Variants in PKD1 observed in about 807,000 individuals in gnomAD.
PKD1 encodes polycystin 1, transient receptor potential channel interacting.
In PKD1, 81 loss-of-function variants were observed where a neutral mutation model predicts 361.7. The ratio of observed to expected loss-of-function variants is 0.22; its 90% CI spans 0.19 to 0.27. The LOEUF (loss-of-function observed/expected upper bound fraction) is 0.27. Ranked by LOEUF, PKD1 falls within the 10% of genes least tolerant of loss-of-function variation. PKD1 has a pLI of 1.00. For synonymous variants in PKD1, 3,615 were observed against 2,818.3 expected (o/e 1.28, Z -8.95); for missense variants, 6,399 against 6,118.3 (o/e 1.05, Z -1.53).
intron 1 of PKD1, among the ~76,000 whole-genome samples, chr16:2,132,397 G>A (rs1347618607): frequency 3.3e-5 from 5 of 151,342 alleles, no homozygotes; most frequent in South Asian, 2.1e-4. Context: ...GTAAAACCCC[G>A]TCTCTACTAA....
chr16:2,118,065 G>C lies in PKD1; in HGVS notation c.927C>G (p.Asp309Glu). ...CAGCGGCATCCACCTCGGCGGAGCC[G>C]TCTCCGAAGTCCCAGCGTGTGGCAG... ...PVTATRWDFGDGSAEVDAAGP... is the reference protein window; with the variant it reads ...PVTATRWDFGEGSAEVDAAGP... The change falls in exon 5 of 46, where the codon GAC becomes GAG. Residue 309 changes from aspartate to glutamate, a missense_variant. By Grantham distance (45) the Asp-to-Glu change is conservative (BLOSUM62 2). Transcript: ENST00000262304. The surrounding 1 kb of genome is among the most constrained non-coding windows in gnomAD (Gnocchi z 6.0). 6.2e-7 allele frequency: 1 copy of C among 1,605,812 alleles called. No homozygotes were observed. Among genetic ancestry groups the C allele is most frequent in the Non-Finnish European group, 8.5e-7 (1 of 1,179,302 alleles).
chr16:2,097,499 C>T lies in PKD1; in HGVS notation c.10225G>A (p.Val3409Met). ...DLFLDDSKSL[V>M]CWPSGEGTLS... is the part of the protein sequence containing the mutation. ...GTTCCCTCGCCGGAGGGCCAGCACA[C>T]CAGACTGCAGGTGGCGCGGGTCAGC... Residue 3409 changes from valine to methionine, a missense_variant, in exon 33 of 46, where the codon GTG becomes ATG. Physicochemically the swap from Val to Met is conservative, Grantham distance 21 (BLOSUM62 1). Transcript: ENST00000262304. 6.2e-7 allele frequency: 1 copy of T among 1,601,874 alleles called. No individual in the cohort carries two copies. Among genetic ancestry groups the T allele is most frequent in the Non-Finnish European group, 8.5e-7 (1 of 1,179,824 alleles).
In PKD1 at chr16:2,089,450, T is replaced by C. The variant is rs2091347205; in HGVS notation, c.*277A>G. On this transcript the variant is annotated 3_prime_UTR_variant, in exon 46 of 46. Transcript: ENST00000262304. The stretch of plus-strand genomic sequence containing the variant: ...GGGGCCGGGCACAGCCCGCTGTACC[T>C]GAGGACTCGGGGAAATAAATTAGCA... 2 of 527,670 alleles carry C rather than the reference T, an allele frequency of 3.8e-6. No individual in the cohort carries two copies. The highest frequency in any genetic ancestry group is 3.3e-5 in the Admixed American group (1 of 30,272). 32.7% of individuals were successfully genotyped at this position (527,670 alleles called of 1,614,324 possible). A position where few individuals can be genotyped will look rare whatever the true frequency, so the allele number is the denominator to read the frequency against.
chr16:2,132,623 G>C (rs964188882), intron 1 of PKD1, among the ~76,000 whole-genome samples: 2 of 150,302 alleles, frequency 1.3e-5, no homozygotes, highest in Admixed American at 1.3e-4. Flanking sequence ...TAATTGCAGT[G>C]TGTGGACCTT....
intron 37 of PKD1, 28 bp downstream of exon 37, chr16:2,093,516 C>A: frequency 6.3e-7 from 1 of 1,575,228 alleles, no homozygotes. Flanking sequence ...ACGGAGGTGG[C>A]AGGGGCACAG....
Position 2,093,892 on chromosome 16 carries a change from G to T in PKD1, c.10740C>A (p.Phe3580Leu), listed in dbSNP as rs573630884. The change falls in exon 36 of 46, where the codon TTC becomes TTA. Residue 3580 changes from phenylalanine to leucine, a missense_variant. Phe to Leu is a conservative substitution (Grantham distance 22, BLOSUM62 0). Transcript: ENST00000262304. ...GCCACGCAACACTCACGCCCGGGGG[G>T]AAGCTCGCACCCACCCACCCTGAGA... ...VAVSGWVGASFPPGVSVAWLL... is the reference protein window; with the variant it reads ...VAVSGWVGASLPPGVSVAWLL... 11 of 1,578,510 alleles carry T rather than the reference G, an allele frequency of 7.0e-6. No homozygotes were observed. Among genetic ancestry groups the T allele is most frequent in the Non-Finnish European group, 6.0e-6 (7 of 1,167,780 alleles).
intron 1 of PKD1, among the ~76,000 whole-genome samples, chr16:2,121,812 C>G (rs1231521373): frequency 6.6e-6 from 1 of 152,224 alleles, no homozygotes; most frequent in Non-Finnish European, 1.5e-5. Context: ...GGCCTCACCT[C>G]CTGCCACGGG....
chr16:2,115,374 A>G lies in PKD1; in HGVS notation c.2097+4T>C. 10 of 1,512,360 alleles carry G rather than the reference A, an allele frequency of 6.6e-6. No homozygotes were observed. Among genetic ancestry groups the G allele is most frequent in the Non-Finnish European group, 9.0e-6 (10 of 1,113,152 alleles). The allele number at this position is 1,512,360 out of a possible 1,614,324, so 93.7% of individuals were successfully genotyped here. A position where few individuals can be genotyped will look rare whatever the true frequency, so the allele number is the denominator to read the frequency against. ...GGGAACAGACCCAGGTCAGGGCCACACACCGAGTACTGCGCGGGGGGCCCC... is the reference window on the plus strand; with the variant it reads ...GGGAACAGACCCAGGTCAGGGCCACGCACCGAGTACTGCGCGGGGGGCCCC... On this transcript the variant is annotated splice_donor_region_variant and intron_variant, in intron 10 of 45. Transcript: ENST00000262304.
Position 2,111,475 on chromosome 16 carries a change from A to G in PKD1, c.3692T>C (p.Val1231Ala). The G allele has an allele frequency of 6.2e-7, 1 of 1,611,548 alleles. No homozygotes were observed. Among genetic ancestry groups the G allele is most frequent in the Non-Finnish European group, 8.5e-7 (1 of 1,179,412 alleles). ...GTCGCCCGTCTGCACCGCGGCGCTG[A>G]CCACCACGGGGGCGCCCTGCTCCAC... is the stretch of plus-strand genomic sequence containing the variant. The part of the protein sequence containing the change: ...LAVEQGAPVV[V>A]SAAVQTGDNI... Residue 1231 changes from valine (V) to alanine (A), a missense_variant, in exon 15 of 46, where the codon GTC (valine) becomes GCC (alanine). Physicochemically the swap from Val to Ala is moderately conservative, Grantham distance 64 (BLOSUM62 0). Coordinates refer to ENST00000262304, the MANE Select transcript of PKD1 (RefSeq NM_001009944.3).
chr16:2,109,011 C>A lies in PKD1; in HGVS notation c.6156G>T (p.Thr2052=). ...AFNALGSENR[T]LVLEVQDAVQ... Reference sequence around the variant, plus strand: ...CGGCGTCCTGAACCTCCAGCACCAGCGTGCGGTTCTCACTGCCCAGGGCGT... The same window carrying A: ...CGGCGTCCTGAACCTCCAGCACCAGAGTGCGGTTCTCACTGCCCAGGGCGT... Residue 2052 remains threonine (T), a synonymous_variant, in exon 15 of 46, where the codon ACG becomes ACT. Transcript: ENST00000262304. 1.9e-6 allele frequency: 3 copies of A among 1,610,348 alleles called. No homozygotes were observed. Among genetic ancestry groups the A allele is most frequent in the Middle Eastern group, 1.9e-4 (1 of 5,156 alleles).
rs747412495 is a variant in PKD1, at chr16:2,092,199, C to T, written c.11270-11G>A. ...GGTCTGGGTAGAGTGCTGAAACACA[C>T]AGAGCCCCAGGCCGGGGCCAGGGCC... is the stretch of plus-strand genomic sequence containing the variant. On this transcript the variant is annotated splice_polypyrimidine_tract_variant and intron_variant, in intron 39 of 45. Transcript: ENST00000262304. The T allele has an allele frequency of 6.3e-7, 1 of 1,585,858 alleles. No individual in the cohort carries two copies. Among genetic ancestry groups the T allele is most frequent in the African/African-American group, 1.3e-5 (1 of 74,098 alleles).
chr16:2,092,817 C>T (rs2091658841), intron 38 of PKD1, 137 bp downstream of exon 38: 1 of 1,097,272 alleles, frequency 9.1e-7, no homozygotes, highest in Non-Finnish European at 1.4e-6. Context: ...CCTCTGCCTA[C>T]TGATGCCAGC....
In PKD1 at chr16:2,105,949, A is replaced by T; in HGVS notation, c.7779T>A (p.Ala2593=). The T allele has an allele frequency of 6.3e-7, 1 of 1,598,894 alleles. No homozygotes were observed. Among genetic ancestry groups the T allele is most frequent in the Non-Finnish European group, 8.5e-7 (1 of 1,179,556 alleles). Residue 2593 remains alanine, a synonymous_variant, in exon 20 of 46, where the codon GCT becomes GCA. Coordinates refer to ENST00000262304, the MANE Select transcript of PKD1 (RefSeq NM_001009944.3). Reference sequence around the variant, plus strand: ...GCCGCAGCAGCCCTGGGAGCACACTAGCGGTGAGCCCGTGCAGCCAGACTG... The same window carrying T: ...GCCGCAGCAGCCCTGGGAGCACACTTGCGGTGAGCCCGTGCAGCCAGACTG... ...GLTVWLHGLT[A]SVLPGLLRQA...
In PKD1 at chr16:2,097,139, G is replaced by A; in HGVS notation, c.10499+9C>T. 1 of 1,546,760 alleles carries A rather than the reference G, an allele frequency of 6.5e-7. No homozygotes were observed. Among genetic ancestry groups the A allele is most frequent in the Non-Finnish European group, 8.7e-7 (1 of 1,144,788 alleles). On this transcript the variant is annotated intron_variant, in intron 34 of 45. Transcript: ENST00000262304. ...GCAATCCCCCCTCCCCCGAGAGCCG[G>A]ACACTCACAGGCTGCTGAGCAGGTC... is the stretch of plus-strand genomic sequence containing the variant.
Position 2,118,134 on chromosome 16 carries a change from A to G in PKD1, c.858T>C (p.Ser286=), listed in dbSNP as rs886038372. 1.4e-5 allele frequency: 23 copies of G among 1,597,834 alleles called. No individual in the cohort carries two copies. Among genetic ancestry groups the G allele is most frequent in the Non-Finnish European group, 1.9e-5 (22 of 1,174,164 alleles). ...TLVGPHGPLA[S]GQLAAFHIAA... ...CGATGTGGAAGGCTGCTAGCTGGCC[A>G]GAGGCCAGAGGTCCGTGGGGCCCCA... The change falls in exon 5 of 46, where the codon TCT becomes TCC. Residue 286 remains serine, a synonymous_variant. Coordinates refer to ENST00000262304, the MANE Select transcript of PKD1 (RefSeq NM_001009944.3). The surrounding 1 kb of genome is among the most constrained non-coding windows in gnomAD (Gnocchi z 6.0).
chr16:2,130,932 C>A (rs2092867994), intron 1 of PKD1, among the ~76,000 whole-genome samples: 1 of 152,212 alleles, frequency 6.6e-6, no homozygotes, highest in African/African-American at 2.4e-5. Context: ...TGACCCCCAG[C>A]CAGGGTGAGT....
At position 2,111,967 on chromosome 16, in the gene PKD1, G is replaced by A. The variant is rs968074809; in HGVS notation, c.3296-96C>T. 6.0e-5 allele frequency: 79 copies of A among 1,311,938 alleles called. No individual in the cohort carries two copies. In the Admixed American group the frequency reaches 8.6e-4, roughly 14 times the overall value. The allele number at this position is 1,311,938 out of a possible 1,614,324, so 81.3% of individuals were successfully genotyped here. Reference sequence around the variant, plus strand: ...CCCGCCTGAGGAGCCCGGGGTGAACGGCTGCACCTGCGGCCCAGCCTTAAG... The same window carrying A: ...CCCGCCTGAGGAGCCCGGGGTGAACAGCTGCACCTGCGGCCCAGCCTTAAG... On this transcript the variant is annotated intron_variant, in intron 14 of 45. Coordinates refer to ENST00000262304, the MANE Select transcript of PKD1 (RefSeq NM_001009944.3).
rs1201373163 is a variant in PKD1, at chr16:2,109,896, C to A, written c.5271G>T (p.Gly1757=). 2 of 1,610,560 alleles carry A rather than the reference C, an allele frequency of 1.2e-6. No individual in the cohort carries two copies. Among genetic ancestry groups the A allele is most frequent in the Non-Finnish European group, 1.7e-6 (2 of 1,179,736 alleles). ...GVVYTWSLEE[G]LSWETSEPFT... ...ATGGCTCGGAGGTCTCCCAGCTCAG[C>A]CCCTCCTCCAAGGACCAAGTGTATA... The change falls in exon 15 of 46, where the codon GGG becomes GGT. Residue 1757 remains glycine, a synonymous_variant. Transcript: ENST00000262304.
At chr16:2,102,334 G>A (rs1460601456) in intron 25 of PKD1, 47 bp downstream of exon 25, 8 of 1,534,872 alleles carry the variant, frequency 5.2e-6, no homozygotes, top group Non-Finnish European at 7.1e-6. Flanking sequence ...GCCCACCCAG[G>A]CCCTCCTCGA....
Sources: allele counts gnomAD v4.1 joint callset (sites outside exome capture counted in the v4.1 genomes callset), GRCh38; gene constraint gnomAD v4.1.1; non-coding constraint Gnocchi (gnomAD v3.1); transcripts MANE v1.5; gene names NCBI Gene and HGNC (gene_info 2026-07-23, HGNC 2026-07-21).